GRIP1: variants seen among roughly 807,000 people sequenced by gnomAD.
GRIP1 encodes glutamate receptor interacting protein 1, also known as glutamate receptor-interacting protein 1.
In GRIP1, 45 loss-of-function variants were observed where a neutral mutation model predicts 129.9. That is an observed-to-expected ratio of 0.35 (90% CI 0.27 to 0.44). The LOEUF is 0.44. Among genes scored for constraint, GRIP1 ranks in the 20% least tolerant of loss-of-function variants. The pLI, the probability that GRIP1 is intolerant of heterozygous loss-of-function variation, is 1.00. For missense variants in GRIP1, 1,196 were observed against 1,396.8 expected (o/e 0.86, Z 2.29); for synonymous variants, 530 against 520.8 (o/e 1.02, Z -0.24).
At chr12:67,046,221 C>T (rs1191457246) in intron 1 of GRIP1, among the ~76,000 whole-genome samples, 2 of 152,182 alleles carry the variant, frequency 1.3e-5, no homozygotes, top group African/African-American at 4.8e-5. Flanking sequence ...ATGAAGCGGG[C>T]AGAAGCCTGT....
intron 1 of GRIP1, among the ~76,000 whole-genome samples, chr12:66,733,663 A>C (rs1201607156): frequency 6.6e-6 from 1 of 152,208 alleles, no homozygotes; most frequent in Non-Finnish European, 1.5e-5. Context: ...CAGATGAAAA[A>C]TAATCAACTA....
At chr12:66,486,029 C>T (rs906544958) in intron 7 of GRIP1, among the ~76,000 whole-genome samples, 1 of 151,946 alleles carries the variant, frequency 6.6e-6, no homozygotes, top group South Asian at 2.1e-4. Flanking sequence ...TTTAATAGAT[C>T]TTAATATCTA....
chr12:66,865,492 TAGAAA>T, intron 1 of GRIP1, among the ~76,000 whole-genome samples: 1 of 151,704 alleles, frequency 6.6e-6, no homozygotes. Flanking sequence ...TTTGCATGGA[TAGAAA>T]TATGTTATTT....
In GRIP1 at chr12:66,445,498, G is replaced by A; in HGVS notation, c.1365C>T (p.Ala455=). Residue 455 remains alanine, a synonymous_variant, in exon 12 of 25, where the codon GCC becomes GCT. Transcript: ENST00000359742. The part of the protein sequence containing the change: ...KKDFKSSLSL[A]SSTVGLAGQV... ...GCCCAGCCAATCCTACTGTGCTGGA[G>A]GCTAAGGACACTAGAGGAACAAACA... 1.2e-6 allele frequency: 2 copies of A among 1,612,316 alleles called. No individual in the cohort carries two copies. Among genetic ancestry groups the A allele is most frequent in the South Asian group, 2.2e-5 (2 of 90,920 alleles).
chr12:67,050,378 T>TA (rs1297577612), intron 1 of GRIP1, among the ~76,000 whole-genome samples: 1 of 151,836 alleles, frequency 6.6e-6, no homozygotes, highest in Non-Finnish European at 1.5e-5. Flanking sequence ...GGACCAGCTT[T>TA]ATAAAAGGTT....
chr12:66,352,706 C>T (rs995893222), intron 24 of GRIP1, among the ~76,000 whole-genome samples: 24 of 142,538 alleles, frequency 1.7e-4, no homozygotes, highest in South Asian at 4.5e-4. Flanking sequence ...GCACTCCAGC[C>T]TGAGACTCTG....
intron 1 of GRIP1, among the ~76,000 whole-genome samples, chr12:66,955,020 A>C (rs2041817313): frequency 6.6e-6 from 1 of 152,172 alleles, no homozygotes; most frequent in Non-Finnish European, 1.5e-5. Flanking sequence ...TTAGCCATGA[A>C]GACATTTAAG....
At chr12:66,946,825 T>G in intron 1 of GRIP1, among the ~76,000 whole-genome samples, 1 of 146,432 alleles carries the variant, frequency 6.8e-6, no homozygotes, top group African/African-American at 2.6e-5. Flanking sequence ...CATGGATCAC[T>G]GGAAGTCAGG....
intron 1 of GRIP1, among the ~76,000 whole-genome samples, chr12:67,007,373 A>T (rs751405525): frequency 1.1e-4 from 17 of 152,334 alleles, no homozygotes; most frequent in Non-Finnish European, 2.1e-4. Flanking sequence ...TATCCACAAT[A>T]TGTGTATGAA....
chr12:66,522,844 G>A (rs942411700), intron 5 of GRIP1, among the ~76,000 whole-genome samples: 2 of 152,174 alleles, frequency 1.3e-5, no homozygotes, highest in Admixed American at 6.5e-5. Flanking sequence ...AGGAGCTGAT[G>A]GAGCTGAAAG....
intron 1 of GRIP1, among the ~76,000 whole-genome samples, chr12:66,666,267 G>A (rs1381567608): frequency 6.6e-6 from 1 of 152,082 alleles, no homozygotes; most frequent in Non-Finnish European, 1.5e-5. Context: ...CCCTAAAGCA[G>A]GAGATGCATT....
rs143292766 is a variant in GRIP1, at chr12:66,685,361, A to G, written c.-419-55025T>C. ...GGGCTAAATTAATAAGTACTTTAAT[A>G]TAAATAATCTCATGGATTTAGGATA... On this transcript the variant is annotated intron_variant, in intron 1 of 4. Transcript: ENST00000538373. 2.2e-3 allele frequency among the ~76,000 whole-genome samples: 329 copies of G among 152,268 alleles called. 3 individuals are homozygous for G. Among genetic ancestry groups the G allele is most frequent in the African/African-American group, 7.0e-3 (291 of 41,550 alleles).
chr12:66,909,360 T>A (rs2040991404), intron 1 of GRIP1, among the ~76,000 whole-genome samples: 1 of 152,218 alleles, frequency 6.6e-6, no homozygotes, highest in African/African-American at 2.4e-5. Context: ...AGCAGAGAGC[T>A]TGGGGTGAAT....
chr12:66,814,252 A>C (rs1455966045), intron 1 of GRIP1, among the ~76,000 whole-genome samples: 1 of 152,182 alleles, frequency 6.6e-6, no homozygotes, highest in Non-Finnish European at 1.5e-5. Context: ...GAGGATAAAC[A>C]ATAGTACCAT....
At chr12:66,995,582 T>C (rs570305911) in intron 1 of GRIP1, among the ~76,000 whole-genome samples, 8 of 152,126 alleles carry the variant, frequency 5.3e-5, no homozygotes, top group Admixed American at 1.3e-4. Flanking sequence ...AATGGCTACA[T>C]GAAAAGATGC....
rs1433336008 is a variant in GRIP1 at position 66,515,845 on chromosome 12, T to C, written c.579-81A>G. ...TTAATAGTCACTTTAGCCAAATTCG[T>C]TTTGTCACACATATTCTGCCATCCA... On this transcript the variant is annotated intron_variant, in intron 6 of 24. Transcript: ENST00000359742. 4 of 1,145,324 alleles carry C rather than the reference T, an allele frequency of 3.5e-6. No homozygotes were observed. The African/African-American group carries it at 6.1e-5, about 17-fold the overall frequency. 70.9% of individuals were successfully genotyped at this position (1,145,324 alleles called of 1,614,324 possible). A position where few individuals can be genotyped will look rare whatever the true frequency, so the allele number is the denominator to read the frequency against.
chr12:66,361,073 A>G (rs1418188466), intron 23 of GRIP1, among the ~76,000 whole-genome samples: 2 of 152,216 alleles, frequency 1.3e-5, no homozygotes, highest in African/African-American at 2.4e-5. Context: ...GGACAATCCT[A>G]TACTACCTAT....
intron 1 of GRIP1, among the ~76,000 whole-genome samples, chr12:66,786,620 T>G (rs2038354385): frequency 6.6e-6 from 1 of 152,208 alleles, no homozygotes; most frequent in Admixed American, 6.5e-5. Flanking sequence ...GGGTGAATGT[T>G]GCTGGAACAC....
At chr12:66,690,174 T>C (rs1314112500) in intron 1 of GRIP1, among the ~76,000 whole-genome samples, 1 of 152,022 alleles carries the variant, frequency 6.6e-6, no homozygotes, top group Non-Finnish European at 1.5e-5. Context: ...CCTGCCTTGG[T>C]CTCCTGAAGT....
Sources: gnomAD v4.1 joint callset for allele counts (sites outside exome capture counted in the v4.1 genomes callset) on GRCh38, gnomAD v4.1.1 for gene constraint, MANE v1.5 for transcripts, NCBI Gene and HGNC (gene_info 2026-07-23, HGNC 2026-07-21) for gene names.